Variants in UBQLN4 observed in about 807,000 individuals in gnomAD.
The protein encoded by UBQLN4 is ubiquilin 4, also known as ubiquilin-4.
UBQLN4 carries 11 observed loss-of-function variants against 60.4 expected under a neutral mutation model. That is an observed-to-expected ratio of 0.18 (90% CI 0.11 to 0.30). UBQLN4 has a LOEUF of 0.30. UBQLN4 is among the 10% of genes least tolerant of loss of function. The pLI, the probability that UBQLN4 is intolerant of heterozygous loss-of-function variation, is 1.00. For synonymous variants in UBQLN4, 258 were observed against 313.1 expected, an observed-to-expected ratio of 0.82 and a Z score of 1.86; for missense variants, 417 against 795.5, an observed-to-expected ratio of 0.52 and a Z score of 5.72.
Position 156,044,219 on chromosome 1 carries a change from C to T in UBQLN4, c.905G>A (p.Gly302Asp). 1.3e-6 allele frequency: 2 copies of T among 1,562,312 alleles called. No homozygotes were observed. Among genetic ancestry groups the T allele is most frequent in the African/African-American group, 1.4e-5 (1 of 73,796 alleles). Residue 302 changes from glycine (G) to aspartate (D), a missense_variant, in exon 6 of 11, where the codon GGC becomes GAC. Coordinates refer to ENST00000368309, the MANE Select transcript of UBQLN4 (RefSeq NM_020131.5). ...GGCCAGGGAAGAGAAGGGATTGTTG[C>T]CAAACTGGGAGGAGGGAAAGGTTTT... ...PMFSAAREQF[G>D]NNPFSSLAGN... is the part of the protein sequence containing the mutation.
intron 6 of UBQLN4, 38 bp downstream of exon 6, chr1:156,043,960 T>C: frequency 6.2e-7 from 1 of 1,604,144 alleles, no homozygotes; most frequent in Non-Finnish European, 8.5e-7. Context: ...GGGGCTGCCC[T>C]GGTGACCCCA....
downstream of UBQLN4, among the ~76,000 whole-genome samples, chr1:156,032,708 A>C (rs1211984608): frequency 6.6e-6 from 1 of 151,976 alleles, no homozygotes; most frequent in African/African-American, 2.4e-5. Context: ...TTGCTCTGTG[A>C]TCTCCATGCT....
intron 4 of UBQLN4, among the ~76,000 whole-genome samples, chr1:156,049,284 G>T (rs61813293): frequency 0.097 from 14,729 of 152,214 alleles, 993 homozygotes; most frequent in Non-Finnish European, 0.14. Context: ...AGTTGGGGAA[G>T]GAAAGCGTTC....
intron 10 of UBQLN4, 142 bp from the exon 11 acceptor site, chr1:156,037,272 G>A (rs1572267875): frequency 1.9e-6 from 2 of 1,074,796 alleles, no homozygotes; most frequent in East Asian, 2.5e-5. Context: ...TGCAAATGGG[G>A]GCCCAGGAGC....
intron 2 of UBQLN4, 85 bp from the exon 3 acceptor site, chr1:156,051,412 C>A: frequency 6.7e-7 from 1 of 1,492,570 alleles, no homozygotes; most frequent in Admixed American, 2.0e-5. Context: ...TGCTATGGGA[C>A]AACTATTTTA....
chr1:156,045,130 C>G (rs529110846), intron 5 of UBQLN4, among the ~76,000 whole-genome samples: 1 of 152,186 alleles, frequency 6.6e-6, no homozygotes, highest in African/African-American at 2.4e-5. Context: ...CTCAGCAGCT[C>G]TCTTTCCTGA....
rs116362508 is a variant in UBQLN4 at position 156,037,279 on chromosome 1, G to A, written c.1654-149C>T. ...AGATGAGCTGCAAATGGGGGCCCAG[G>A]AGCCTAGGTCCCAAGTCCTAAATAA... is the stretch of plus-strand genomic sequence containing the variant. On this transcript the variant is annotated intron_variant, in intron 10 of 10. Transcript: ENST00000368309. 2.0e-3 allele frequency: 2,044 copies of A among 1,003,500 alleles called. 31 individuals carry two copies. In the African/African-American group the frequency reaches 0.03, roughly 15 times the overall value. 62.2% of individuals were successfully genotyped at this position (1,003,500 alleles called of 1,614,324 possible).
Position 156,048,767 on chromosome 1 carries a change from C to A in UBQLN4, c.742-108G>T. 2 of 1,242,432 alleles carry A rather than the reference C, an allele frequency of 1.6e-6. No individual in the cohort carries two copies. The highest frequency in any genetic ancestry group is 2.0e-4 in the Middle Eastern group (1 of 5,024). The allele number at this position is 1,242,432 out of a possible 1,614,324, so 77.0% of individuals were successfully genotyped here. A position where few individuals can be genotyped will look rare whatever the true frequency, so the allele number is the denominator to read the frequency against. ...GTCTGTATCAGGATCAGGACCAGGG[C>A]CCAGGAACTGCCCCACAGTGACAGG... On this transcript the variant is annotated intron_variant, in intron 4 of 10. Transcript: ENST00000368309. This position sits in a 1 kb window ranked among gnomAD's most constrained non-coding sequence, Gnocchi z 4.9.
Position 156,041,885 on chromosome 1 carries a change from C to A in UBQLN4, c.1453G>T (p.Gly485Trp). ...GLQTLQTEAPGLVPSLGSFGI... is the reference protein window; with the variant it reads ...GLQTLQTEAPWLVPSLGSFGI... ...CCCTACCCTCACCTGGGTACCAGCC[C>A]AGGGGCCTCGGTCTGCAAGGTCTGT... Residue 485 changes from glycine (G) to tryptophan (W), a missense_variant, in exon 9 of 11, where the codon GGG becomes TGG. By Grantham distance (184) the Gly-to-Trp change is radical. Coordinates refer to ENST00000368309, the MANE Select transcript of UBQLN4 (RefSeq NM_020131.5). The A allele has an allele frequency of 6.2e-7, 1 of 1,612,808 alleles. No homozygotes were observed. The highest frequency in any genetic ancestry group is 8.5e-7 in the Non-Finnish European group (1 of 1,179,664).
downstream of UBQLN4, among the ~76,000 whole-genome samples, chr1:156,035,000 C>T (rs563444241): frequency 1.8e-4 from 27 of 150,940 alleles, no homozygotes; most frequent in East Asian, 5.2e-3. Flanking sequence ...TCCCATGTAG[C>T]TGGGACTACA....
At chr1:156,042,020 A>T in intron 8 of UBQLN4, 33 bp from the exon 9 acceptor site, 1 of 1,613,558 alleles carries the variant, frequency 6.2e-7, no homozygotes, top group Non-Finnish European at 8.5e-7. Flanking sequence ...AGGCATCAAG[A>T]GGTGGCAGGA....
chr1:156,042,261 G>A, intron 7 of UBQLN4, 25 bp from the exon 8 acceptor site: 2 of 1,568,344 alleles, frequency 1.3e-6, no homozygotes, highest in East Asian at 2.3e-5. Context: ...GTAGCAGGGG[G>A]AGACCTGGGC....
intron 10 of UBQLN4, among the ~76,000 whole-genome samples, chr1:156,038,895 G>A (rs944917470): frequency 2.7e-5 from 4 of 150,458 alleles, no homozygotes; most frequent in Admixed American, 1.3e-4. Flanking sequence ...GGGTTGAAGC[G>A]ATTCTCTTGC....
intron 5 of UBQLN4, among the ~76,000 whole-genome samples, chr1:156,045,360 T>C (rs1683670528): frequency 6.6e-6 from 1 of 152,226 alleles, no homozygotes; most frequent in Admixed American, 6.5e-5. Flanking sequence ...TTCAGATTTC[T>C]TGTTCTGATA....
chr1:156,040,603 G>A (rs908365386), intron 10 of UBQLN4, among the ~76,000 whole-genome samples: 5 of 151,774 alleles, frequency 3.3e-5, no homozygotes, highest in African/African-American at 1.2e-4. Flanking sequence ...CTGCCACCAC[G>A]CCTGGCTAAT....
At chr1:156,043,726 T>G (rs1173130410) in intron 6 of UBQLN4, among the ~76,000 whole-genome samples, 5 of 152,096 alleles carry the variant, frequency 3.3e-5, no homozygotes, top group Non-Finnish European at 7.4e-5. Flanking sequence ...TCTGAACCTT[T>G]TACACTGGAT....
chr1:156,047,049 A>G (rs1683721064), intron 5 of UBQLN4, among the ~76,000 whole-genome samples: 1 of 152,126 alleles, frequency 6.6e-6, no homozygotes, highest in Non-Finnish European at 1.5e-5. Context: ...AACTCTACCT[A>G]TGTCTTATTT....
chr1:156,042,072 G>GC (rs1308404769), intron 8 of UBQLN4, 81 bp downstream of exon 8: 1 of 1,609,786 alleles, frequency 6.2e-7, no homozygotes, highest in Admixed American at 1.7e-5. Context: ...GTCAAGCTCT[G>GC]CCCCAACTTC....
chr1:156,048,744 C>T lies in UBQLN4; in HGVS notation c.742-85G>A, dbSNP rs1683784168. ...AGGGTGGGCCTTGAGGAAGGGGGGT[C>T]TGTATCAGGATCAGGACCAGGGCCC... On this transcript the variant is annotated intron_variant, in intron 4 of 10. Coordinates refer to ENST00000368309, the MANE Select transcript of UBQLN4 (RefSeq NM_020131.5). This position sits in a 1 kb window ranked among gnomAD's most constrained non-coding sequence, Gnocchi z 4.9. 2.0e-6 allele frequency: 3 copies of T among 1,479,230 alleles called. No individual in the cohort carries two copies. The highest frequency in any genetic ancestry group is 2.8e-5 in the African/African-American group (2 of 72,396). 91.6% of individuals were successfully genotyped at this position (1,479,230 alleles called of 1,614,324 possible). A position where few individuals can be genotyped will look rare whatever the true frequency, so the allele number is the denominator to read the frequency against.
Sources: allele counts gnomAD v4.1 joint callset (sites outside exome capture counted in the v4.1 genomes callset), GRCh38; gene constraint gnomAD v4.1.1; non-coding constraint Gnocchi (gnomAD v3.1); transcripts MANE v1.5; gene names NCBI Gene and HGNC (gene_info 2026-07-23, HGNC 2026-07-21).